TMEM38B: variants seen among roughly 807,000 people sequenced by gnomAD.
TMEM38B encodes trimeric intracellular cation channel type B.
A neutral mutation model predicts 28.7 loss-of-function variants in TMEM38B; 24 were observed. The observed-to-expected ratio is 0.84, with a 90% CI of 0.61 to 1.18. The LOEUF (loss-of-function observed/expected upper bound fraction) is 1.18, where lower values mean the gene tolerates loss of function less well. TMEM38B is among the 50% of genes most tolerant of loss of function. TMEM38B has a pLI of 0.00. For missense variants in TMEM38B, 380 were observed against 350.9 expected (o/e 1.08, Z -0.66); for synonymous variants, 131 against 127.7 (o/e 1.03, Z -0.17).
chr9:105,765,922 T>C (rs1826356372), intron 5 of TMEM38B, among the ~76,000 whole-genome samples: 1 of 152,034 alleles, frequency 6.6e-6, no homozygotes, highest in Non-Finnish European at 1.5e-5. Flanking sequence ...CTGCCTCAGC[T>C]TCTCGAGTAG....
intron 5 of TMEM38B, among the ~76,000 whole-genome samples, chr9:105,772,728 G>A (rs1360644286): frequency 6.6e-6 from 1 of 151,896 alleles, no homozygotes; most frequent in Non-Finnish European, 1.5e-5. Context: ...ACACATTTCA[G>A]TGACGTTTAG....
intron 4 of TMEM38B, among the ~76,000 whole-genome samples, chr9:105,747,217 T>G (rs1202802541): frequency 1.3e-5 from 2 of 152,228 alleles, no homozygotes; most frequent in East Asian, 3.9e-4. Context: ...GGACTTTTTT[T>G]GGTTGGTAAG....
At chr9:105,732,656 C>G (rs1382127795) in intron 4 of TMEM38B, among the ~76,000 whole-genome samples, 1 of 137,402 alleles carries the variant, frequency 7.3e-6, no homozygotes, top group Non-Finnish European at 1.5e-5. Flanking sequence ...CTGTTCTGTT[C>G]CATTGGTCTG....
intron 4 of TMEM38B, among the ~76,000 whole-genome samples, chr9:105,736,242 A>T (rs1216325386): frequency 1.3e-5 from 2 of 151,938 alleles, no homozygotes; most frequent in Admixed American, 1.3e-4. Flanking sequence ...ATAATGTGAA[A>T]ATTTGTTTGC....
At chr9:105,737,142 C>A (rs1415464755) in intron 4 of TMEM38B, among the ~76,000 whole-genome samples, 6 of 152,156 alleles carry the variant, frequency 3.9e-5, no homozygotes, top group Non-Finnish European at 8.8e-5. Flanking sequence ...TTCTGTAGCA[C>A]CTTGGGCTAC....
chr9:105,739,109 A>T (rs557766976), intron 4 of TMEM38B, among the ~76,000 whole-genome samples: 1 of 152,164 alleles, frequency 6.6e-6, no homozygotes, highest in African/African-American at 2.4e-5. Context: ...CCATTTATTG[A>T]ATTCTTTTCC....
chr9:105,759,631 G>GTAAA, intron 5 of TMEM38B: 8 of 1,584,694 alleles, frequency 5.0e-6, no homozygotes, highest in Non-Finnish European at 6.9e-6. Context: ...GGCATCCAGT[G>GTAAA]TAAAGAGGCA....
intron 5 of TMEM38B, among the ~76,000 whole-genome samples, chr9:105,754,662 C>T (rs1245651281): frequency 6.6e-6 from 1 of 152,064 alleles, no homozygotes; most frequent in African/African-American, 2.4e-5. Context: ...ACTAAATGCC[C>T]ACATAAAAAC....
At chr9:105,738,234 G>A (rs1448190659) in intron 4 of TMEM38B, among the ~76,000 whole-genome samples, 1 of 152,056 alleles carries the variant, frequency 6.6e-6, no homozygotes, top group Admixed American at 6.5e-5. Flanking sequence ...GAAGTCCACA[G>A]TGGTGAAGAC....
intron 5 of TMEM38B, among the ~76,000 whole-genome samples, chr9:105,768,485 A>G (rs1278751424): frequency 6.6e-6 from 1 of 152,054 alleles, no homozygotes; most frequent in East Asian, 1.9e-4. Context: ...TGTAGGTTTG[A>G]TATTATTTAT....
chr9:105,705,505 A>C, intron 1 of TMEM38B, 92 bp from the exon 2 acceptor site: 1 of 1,222,692 alleles, frequency 8.2e-7, no homozygotes, highest in Admixed American at 2.4e-5. Context: ...TTATGAATTT[A>C]AGAAGTTTAT....
At position 105,774,584 on chromosome 9, in the gene TMEM38B, A is replaced by G. The variant is rs895548417; in HGVS notation, c.*504A>G. The stretch of plus-strand genomic sequence containing the variant: ...CTTTTCCTAAAACACTTTATATTAT[A>G]AATGAAAATAAATTGCTAGTTTATA... On this transcript the variant is annotated 3_prime_UTR_variant, in exon 6 of 6. Transcript: ENST00000374692. 1 of 152,080 alleles carries G rather than the reference A, an allele frequency of 6.6e-6. No individual in the cohort carries two copies. Among genetic ancestry groups the G allele is most frequent in the Non-Finnish European group, 1.5e-5 (1 of 67,940 alleles). 9.4% of individuals were successfully genotyped at this position (152,080 alleles called of 1,614,324 possible).
At chr9:105,764,935 A>G (rs1826313271) in intron 5 of TMEM38B, among the ~76,000 whole-genome samples, 1 of 152,226 alleles carries the variant, frequency 6.6e-6, no homozygotes, top group South Asian at 2.1e-4. Context: ...CCGCATATGT[A>G]CAACTGTCTG....
intron 5 of TMEM38B, among the ~76,000 whole-genome samples, chr9:105,766,894 C>G (rs1826392724): frequency 8.0e-6 from 1 of 124,622 alleles, no homozygotes; most frequent in Non-Finnish European, 1.7e-5. Flanking sequence ...TCCCCCCTCC[C>G]CCCACCCCAC....
intron 4 of TMEM38B, among the ~76,000 whole-genome samples, chr9:105,743,419 T>C (rs1238910841): frequency 6.6e-6 from 1 of 152,200 alleles, no homozygotes; most frequent in Non-Finnish European, 1.5e-5. Context: ...CCTTTAGATT[T>C]GTCCTGTTTT....
rs139507219 is a variant in TMEM38B at position 105,722,591 on chromosome 9, C to T, written c.512C>T (p.Pro171Leu). 5.5e-5 allele frequency: 89 copies of T among 1,613,406 alleles called. No individual in the cohort carries two copies. Among genetic ancestry groups the T allele is most frequent in the Middle Eastern group, 1.6e-4 (1 of 6,080 alleles). ...AGGTTGGTAAAAGGAGATTGGAAAC[C>T]AGAAGGTGATGAATGGCTGAAGATG... ...FERLVKGDWK[P>L]EGDEWLKMSY... The change falls in exon 4 of 6, where the codon CCA (proline) becomes CTA (leucine). Residue 171 changes from proline to leucine, a missense_variant. By Grantham distance (98) the Pro-to-Leu change is moderately conservative. Transcript: ENST00000374692.
At chr9:105,718,980 A>C (rs1292513587) in intron 2 of TMEM38B, among the ~76,000 whole-genome samples, 1 of 152,262 alleles carries the variant, frequency 6.6e-6, no homozygotes, top group Non-Finnish European at 1.5e-5. Flanking sequence ...AAGCTGTCAT[A>C]CTGGACTAAC....
At chr9:105,738,692 G>A (rs1248383065) in intron 4 of TMEM38B, among the ~76,000 whole-genome samples, 1 of 146,760 alleles carries the variant, frequency 6.8e-6, no homozygotes, top group Non-Finnish European at 1.5e-5. Context: ...GAAGCTCACA[G>A]ATCCATATGA....
intron 4 of TMEM38B, among the ~76,000 whole-genome samples, chr9:105,741,099 C>A (rs1837186803): frequency 6.6e-6 from 1 of 152,188 alleles, no homozygotes; most frequent in African/African-American, 2.4e-5. Flanking sequence ...GATTTGACCA[C>A]ACATCTGAGA....
Sources: allele counts gnomAD v4.1 joint callset (sites outside exome capture counted in the v4.1 genomes callset), GRCh38; gene constraint gnomAD v4.1.1; transcripts MANE v1.5; gene names NCBI Gene and HGNC (gene_info 2026-07-23, HGNC 2026-07-21).